Variants in BCAN observed in about 807,000 individuals in gnomAD.
The protein encoded by BCAN is brevican.
Under a neutral mutation model 92.4 loss-of-function variants are expected in BCAN, and 51 were observed. The ratio of observed to expected loss-of-function variants is 0.55; its 90% CI spans 0.44 to 0.70. The LOEUF (loss-of-function observed/expected upper bound fraction) is 0.70. Among genes scored for constraint, BCAN ranks in the 30% least tolerant of loss-of-function variants. The pLI is 0.00. For missense variants in BCAN, 1,140 were observed against 1,212.1 expected, an observed-to-expected ratio of 0.94 and a Z score of 0.88; for synonymous variants, 501 against 505.2, an observed-to-expected ratio of 0.99 and a Z score of 0.11.
chr1:156,647,136 A>ATC lies in BCAN; in HGVS notation c.428_429dup (p.Asp144SerfsTer71). On this transcript the variant is annotated frameshift_variant, in exon 3 of 14. Transcript: ENST00000329117. LOFTEE classifies it high-confidence loss of function. This position sits in a 1 kb window ranked among gnomAD's most constrained non-coding sequence, Gnocchi z 4.8. ...CTATCGCTGTGAGGTCCAGCACGGC[A>ATC]TCGATGACAGCAGCGACGCTGTGGA... 7.1e-7 allele frequency: 1 copy of ATC among 1,408,996 alleles called. No individual in the cohort carries two copies. Among genetic ancestry groups the ATC allele is most frequent in the Admixed American group, 1.9e-5 (1 of 53,004 alleles). 87.3% of individuals were successfully genotyped at this position (1,408,996 alleles called of 1,614,324 possible). A position where few individuals can be genotyped will look rare whatever the true frequency, so the allele number is the denominator to read the frequency against.
chr1:156,659,094 C>T lies in BCAN; in HGVS notation c.2696C>T (p.Ala899Val), dbSNP rs755986972. The T allele has an allele frequency of 3.7e-5, 59 of 1,593,786 alleles. No individual in the cohort carries two copies. The East Asian group carries it at 6.6e-4, about 18-fold the overall frequency. Residue 899 changes from alanine (A) to valine (V), a missense_variant, in exon 14 of 14, where the codon GCG becomes GTG. Ala to Val is a moderately conservative substitution (Grantham distance 64). Transcript: ENST00000329117. ...GGGAGGCTACTGGGACGCTGGAAGG[C>T]GCTGTTGATCCCCCCTTCCAGCCCC... Reference protein sequence around the residue: ...RQGRLLGRWKALLIPPSSPMP... With the variant: ...RQGRLLGRWKVLLIPPSSPMP...
chr1:156,647,875 T>A lies in BCAN; in HGVS notation c.642-108T>A, dbSNP rs149537270. On this transcript the variant is annotated intron_variant, in intron 4 of 13. Transcript: ENST00000329117. The surrounding 1 kb of genome is among the most constrained non-coding windows in gnomAD (Gnocchi z 4.8). The stretch of plus-strand genomic sequence containing the variant: ...CTGCAGTGCTAGAAGGACAGCCAGC[T>A]GTCAGCAAGTGTCTGCACTGTGGTG... 6.4e-7 allele frequency: 1 copy of A among 1,565,326 alleles called. No homozygotes were observed. The highest frequency in any genetic ancestry group is 8.8e-7 in the Non-Finnish European group (1 of 1,136,626).
chr1:156,656,836 C>T (rs1679346650), intron 9 of BCAN, 102 bp from the exon 10 acceptor site: 1 of 1,495,870 alleles, frequency 6.7e-7, no homozygotes, highest in Non-Finnish European at 9.0e-7. Flanking sequence ...CCCTTAGTCC[C>T]GCCCCTCTCG....
At position 156,658,084 on chromosome 1, in the gene BCAN, C is replaced by T. The variant is rs754286360; in HGVS notation, c.2293-43C>T. On this transcript the variant is annotated intron_variant, in intron 11 of 13. Transcript: ENST00000329117. This position sits in a 1 kb window ranked among gnomAD's most constrained non-coding sequence, Gnocchi z 4.4. Reference sequence around the variant, plus strand: ...AGATCCTCTAGGCCCTCTCCCGGTGCTCCTGGTGTAGGAGCTCCTCACCAC... The same window carrying T: ...AGATCCTCTAGGCCCTCTCCCGGTGTTCCTGGTGTAGGAGCTCCTCACCAC... 1.1e-5 allele frequency: 17 copies of T among 1,601,744 alleles called. No individual in the cohort carries two copies. In the African/African-American group the frequency reaches 1.7e-4, roughly 16 times the overall value.
Position 156,652,278 on chromosome 1 carries a change from C to T in BCAN, c.1328C>T (p.Thr443Met), listed in dbSNP as rs199791981. ...GAAACACAATCCATGGTACCGCCCACGGGGTTCTCAGAAGAGGAAGGTAAG... is the reference window on the plus strand; with the variant it reads ...GAAACACAATCCATGGTACCGCCCATGGGGTTCTCAGAAGAGGAAGGTAAG... ...EFETQSMVPP[T>M]GFSEEEGKAL... Residue 443 changes from threonine to methionine, a missense_variant, in exon 8 of 14, where the codon ACG (threonine) becomes ATG (methionine). Coordinates refer to ENST00000329117, the MANE Select transcript of BCAN (RefSeq NM_021948.5). 1.2e-6 allele frequency: 2 copies of T among 1,606,256 alleles called. No individual in the cohort carries two copies. The highest frequency in any genetic ancestry group is 1.7e-6 in the Non-Finnish European group (2 of 1,176,566).
At chr1:156,651,054 T>C (rs1679145490) in intron 6 of BCAN, among the ~76,000 whole-genome samples, 1 of 152,216 alleles carries the variant, frequency 6.6e-6, no homozygotes, top group Non-Finnish European at 1.5e-5. Context: ...CCCCTCCCCC[T>C]AGGGAATATC....
chr1:156,645,573 T>C (rs1678934029), intron 1 of BCAN, among the ~76,000 whole-genome samples: 1 of 151,952 alleles, frequency 6.6e-6, no homozygotes, highest in Non-Finnish European at 1.5e-5. Context: ...AGAGATACTA[T>C]GGGAGAAGGC....
In BCAN at chr1:156,646,976, G is replaced by A. The variant is rs369705568; in HGVS notation, c.267G>A (p.Glu89=). The A allele has an allele frequency of 6.2e-7, 1 of 1,613,000 alleles. No individual in the cohort carries two copies. The highest frequency in any genetic ancestry group is 8.5e-7 in the Non-Finnish European group (1 of 1,179,608). Residue 89 remains glutamate, a synonymous_variant, in exon 3 of 14, where the codon GAG becomes GAA. Transcript: ENST00000329117. ...TCCTGTCCCGGGGCCGGGAGGCAGA[G>A]GTGCTGGTGGCGCGGGGAGTGCGCG... ...WTFLSRGREA[E]VLVARGVRVK...
In BCAN at chr1:156,647,698, G is replaced by A. The variant is rs748952780; in HGVS notation, c.641+16G>A. The A allele has an allele frequency of 6.4e-7, 1 of 1,570,114 alleles. No individual in the cohort carries two copies. The highest frequency in any genetic ancestry group is 8.6e-7 in the Non-Finnish European group (1 of 1,156,200). ...AGACCGTGAGGTGGGCAGGGGCTGT[G>A]GATTGGGGCTTCTATTGGCCCCTGA... On this transcript the variant is annotated intron_variant, in intron 4 of 13. Transcript: ENST00000329117. The surrounding 1 kb of genome is among the most constrained non-coding windows in gnomAD (Gnocchi z 4.8).
chr1:156,658,028 C>T lies in BCAN; in HGVS notation c.2293-99C>T. The T allele has an allele frequency of 1.4e-6, 2 of 1,439,172 alleles. No individual in the cohort carries two copies. Among genetic ancestry groups the T allele is most frequent in the South Asian group, 2.6e-5 (2 of 75,806 alleles). 89.2% of individuals were successfully genotyped at this position (1,439,172 alleles called of 1,614,324 possible). ...ACCCCCTAGCCCTAACCTTCCCTCTCCTGGGGCCCCGCTCACCAGCCCTCC... is the reference window on the plus strand; with the variant it reads ...ACCCCCTAGCCCTAACCTTCCCTCTTCTGGGGCCCCGCTCACCAGCCCTCC... On this transcript the variant is annotated intron_variant, in intron 11 of 13. Transcript: ENST00000329117. This position sits in a 1 kb window ranked among gnomAD's most constrained non-coding sequence, Gnocchi z 4.4.
Position 156,659,126 on chromosome 1 carries a change from G to A in BCAN, c.2728G>A (p.Gly910Ser). The A allele has an allele frequency of 6.4e-7, 1 of 1,573,278 alleles. No individual in the cohort carries two copies. Among genetic ancestry groups the A allele is most frequent in the Non-Finnish European group, 8.6e-7 (1 of 1,160,746 alleles). ...LLIPPSSPMP[G>S]P is the part of the protein sequence containing the mutation. Reference sequence around the variant, plus strand: ...GATCCCCCCTTCCAGCCCCATGCCAGGTCCCTAGGGGGCAAGGCCTTGAAC... The same window carrying A: ...GATCCCCCCTTCCAGCCCCATGCCAAGTCCCTAGGGGGCAAGGCCTTGAAC... The change falls in exon 14 of 14, where the codon GGT (glycine) becomes AGT (serine). Residue 910 changes from glycine (G) to serine (S), a missense_variant. Transcript: ENST00000329117.
chr1:156,658,331 A>T lies in BCAN; in HGVS notation c.2437+60A>T. 2 of 1,589,318 alleles carry T rather than the reference A, an allele frequency of 1.3e-6. No homozygotes were observed. Among genetic ancestry groups the T allele is most frequent in the South Asian group, 2.3e-5 (2 of 86,402 alleles). On this transcript the variant is annotated intron_variant, in intron 12 of 13. Coordinates refer to ENST00000329117, the MANE Select transcript of BCAN (RefSeq NM_021948.5). This position sits in a 1 kb window ranked among gnomAD's most constrained non-coding sequence, Gnocchi z 4.4. ...GTGGAGGGGTGGGCTAGGGGACCAGAGGGACTGATGTTTGTAGACAGAGAG... is the reference window on the plus strand; with the variant it reads ...GTGGAGGGGTGGGCTAGGGGACCAGTGGGACTGATGTTTGTAGACAGAGAG...
chr1:156,644,245 G>A (rs552135293), intron 1 of BCAN: 2 of 152,378 alleles, frequency 1.3e-5, no homozygotes, highest in African/African-American at 4.8e-5. Context: ...GGTGGTCCAG[G>A]GTGTTGGCCC....
rs1172481869 is a variant in BCAN at position 156,658,008 on chromosome 1, CT to C, written c.2293-118del. On this transcript the variant is annotated intron_variant, in intron 11 of 13. Transcript: ENST00000329117. This position sits in a 1 kb window ranked among gnomAD's most constrained non-coding sequence, Gnocchi z 4.4. ...CCTTCCCCGGGAGATCCCCTACCCC[CT>C]AGCCCTAACCTTCCCTCTCCTGGGG... 3 of 1,230,060 alleles carry C rather than the reference CT, an allele frequency of 2.4e-6. No individual in the cohort carries two copies. The Admixed American group carries it at 7.1e-5, about 29-fold the overall frequency. 76.2% of individuals were successfully genotyped at this position (1,230,060 alleles called of 1,614,324 possible).
intron 6 of BCAN, chr1:156,649,943 C>T: frequency 1.9e-6 from 1 of 518,822 alleles, no homozygotes; most frequent in South Asian, 1.4e-5. Flanking sequence ...CAGCTTTTGC[C>T]ATGGGAACCC....
rs558802932 is a variant in BCAN, at chr1:156,659,461, G to C, written c.*327G>C. The C allele has an allele frequency of 1.3e-4, 41 of 319,004 alleles. 1 individual carries two copies. The South Asian group carries it at 2.7e-3, about 21-fold the overall frequency. 19.8% of individuals were successfully genotyped at this position (319,004 alleles called of 1,614,324 possible). On this transcript the variant is annotated 3_prime_UTR_variant, in exon 14 of 14. Coordinates refer to ENST00000329117, the MANE Select transcript of BCAN (RefSeq NM_021948.5). ...CCCACTCTTTCTGGGTTTTCCAAGG[G>C]AATGGGCTTGCAGGATGGAGTGTCT...
At chr1:156,657,269 G>C in intron 10 of BCAN, 173 bp downstream of exon 10, 1 of 958,268 alleles carries the variant, frequency 1.0e-6, no homozygotes, top group East Asian at 2.7e-5. Flanking sequence ...CCCACCCTAC[G>C]CTTAGGCAGT....
intron 6 of BCAN, among the ~76,000 whole-genome samples, chr1:156,651,023 C>T (rs550387370): frequency 6.6e-6 from 1 of 152,338 alleles, no homozygotes; most frequent in African/African-American, 2.4e-5. Flanking sequence ...AAAGCTATTT[C>T]ATCCATCCTG....
intron 2 of BCAN, chr1:156,646,530 A>C: frequency 1.9e-6 from 1 of 539,992 alleles, no homozygotes; most frequent in Non-Finnish European, 3.1e-6. Context: ...TTGGAGAGGA[A>C]GTGGAAGACT....
Sources: gnomAD v4.1 joint callset for allele counts (sites outside exome capture counted in the v4.1 genomes callset) on GRCh38, gnomAD v4.1.1 for gene constraint, Gnocchi (gnomAD v3.1) non-coding constraint, MANE v1.5 for transcripts, NCBI Gene and HGNC (gene_info 2026-07-23, HGNC 2026-07-21) for gene names.